CTIF: variants seen among roughly 807,000 people sequenced by gnomAD.
The protein encoded by CTIF is cap binding complex dependent translation initiation factor.
Under a neutral mutation model 66.0 loss-of-function variants are expected in CTIF, and 21 were observed. That is an observed-to-expected ratio of 0.32 (90% CI 0.23 to 0.46). The LOEUF (loss-of-function observed/expected upper bound fraction) is 0.46, where lower values mean the gene tolerates loss of function less well. Among genes scored for constraint, CTIF ranks in the 20% least tolerant of loss-of-function variants. The pLI, the probability that CTIF is intolerant of heterozygous loss-of-function variation, is 1.00. For missense variants in CTIF, 739 were observed against 812.7 expected (o/e 0.91, Z 1.10); for synonymous variants, 345 against 326.4 (o/e 1.06, Z -0.62).
chr18:48,670,485 A>ACC lies in CTIF; in HGVS notation c.432-175_432-174dup, dbSNP rs3830253. The ACC allele has an allele frequency of 1.1e-3, 553 of 518,498 alleles. 1 individual carries two copies. The highest frequency in any genetic ancestry group is 1.6e-3 in the Non-Finnish European group (451 of 285,366). 32.1% of individuals were successfully genotyped at this position (518,498 alleles called of 1,614,324 possible). ...AGGTTGGCTGTTGCATTACGGGAGG[A>ACC]CCCCCCCCCCACACACACACAGCTT... On this transcript the variant is annotated intron_variant, in intron 5 of 11. Transcript: ENST00000256413.
At chr18:48,585,584 C>T (rs568070297) in intron 1 of CTIF, among the ~76,000 whole-genome samples, 6 of 152,324 alleles carry the variant, frequency 3.9e-5, no homozygotes, top group African/African-American at 1.4e-4. Flanking sequence ...ACTGTTTCCC[C>T]TGGAGACTTG....
chr18:48,757,386 A>G (rs529248116), intron 7 of CTIF, among the ~76,000 whole-genome samples: 6 of 151,820 alleles, frequency 4.0e-5, no homozygotes, highest in African/African-American at 7.3e-5. Context: ...GAAAATGACA[A>G]TGTTCCAAAA....
intron 1 of CTIF, chr18:48,566,660 C>G (rs17828723): frequency 0.073 from 11,119 of 152,226 alleles, 484 homozygotes; most frequent in South Asian, 0.1. Context: ...GCTCTGGGTA[C>G]CTGTCATATT....
At chr18:48,757,418 G>A (rs966455857) in intron 7 of CTIF, among the ~76,000 whole-genome samples, 2 of 152,136 alleles carry the variant, frequency 1.3e-5, no homozygotes, top group Admixed American at 1.3e-4. Context: ...GTTTGAAAGG[G>A]ATATAACTTT....
chr18:48,745,843 A>C (rs180688874), intron 7 of CTIF, among the ~76,000 whole-genome samples: 30 of 152,242 alleles, frequency 2.0e-4, no homozygotes, highest in Admixed American at 2.0e-3. Flanking sequence ...AGCCTTGAGG[A>C]GTCCTCTCTG....
intron 10 of CTIF, among the ~76,000 whole-genome samples, chr18:48,821,889 AG>A (rs1193955075): frequency 6.6e-6 from 1 of 152,252 alleles, no homozygotes; most frequent in East Asian, 1.9e-4. Flanking sequence ...GATAAAGTAC[AG>A]TATTGTATCC....
At chr18:48,747,961 A>C (rs1907408135) in intron 7 of CTIF, among the ~76,000 whole-genome samples, 2 of 150,820 alleles carry the variant, frequency 1.3e-5, no homozygotes, top group South Asian at 4.2e-4. Flanking sequence ...ATTATTTAAC[A>C]AAAAAAAGGA....
chr18:48,785,317 GA>G (rs1386829568), intron 9 of CTIF, among the ~76,000 whole-genome samples: 1 of 152,190 alleles, frequency 6.6e-6, no homozygotes, highest in African/African-American at 2.4e-5. Flanking sequence ...TACAAAATTA[GA>G]AAAATAATTT....
At chr18:48,717,281 C>T (rs964724075) in intron 7 of CTIF, among the ~76,000 whole-genome samples, 1 of 151,922 alleles carries the variant, frequency 6.6e-6, no homozygotes, top group African/African-American at 2.4e-5. Flanking sequence ...GCCTATAATC[C>T]CAGTTACTCG....
At chr18:48,812,364 G>A (rs1467967816) in intron 9 of CTIF, among the ~76,000 whole-genome samples, 2 of 152,038 alleles carry the variant, frequency 1.3e-5, no homozygotes, top group Non-Finnish European at 2.9e-5. Flanking sequence ...TCTTTCTCTC[G>A]CTTTCACTCA....
chr18:48,732,284 G>T (rs899919767), intron 7 of CTIF, among the ~76,000 whole-genome samples: 8 of 152,214 alleles, frequency 5.3e-5, no homozygotes. Flanking sequence ...GGAGTAGCCA[G>T]TGATGCCTCA....
At chr18:48,688,037 C>T (rs1163873783) in intron 6 of CTIF, among the ~76,000 whole-genome samples, 2 of 152,238 alleles carry the variant, frequency 1.3e-5, no homozygotes, top group Non-Finnish European at 2.9e-5. Context: ...AGTTCCTGCT[C>T]ATTTCTGGAA....
At chr18:48,832,637 C>A (rs2068718128) in intron 10 of CTIF, among the ~76,000 whole-genome samples, 1 of 152,186 alleles carries the variant, frequency 6.6e-6, no homozygotes, top group Non-Finnish European at 1.5e-5. Flanking sequence ...ACAATTAGCT[C>A]ATTCTTGCAT....
At chr18:48,648,435 C>T (rs2091091555) in intron 3 of CTIF, among the ~76,000 whole-genome samples, 1 of 151,574 alleles carries the variant, frequency 6.6e-6, no homozygotes, top group African/African-American at 2.4e-5. Flanking sequence ...TCCCCCTTTC[C>T]CAGCTGTGTC....
intron 6 of CTIF, among the ~76,000 whole-genome samples, chr18:48,680,119 T>C (rs1377460985): frequency 6.6e-6 from 1 of 152,196 alleles, no homozygotes; most frequent in Non-Finnish European, 1.5e-5. Context: ...GCCCTCCTCC[T>C]GGAGACCAAG....
At chr18:48,681,928 G>GGC (rs2091751334) in intron 6 of CTIF, among the ~76,000 whole-genome samples, 2 of 152,276 alleles carry the variant, frequency 1.3e-5, no homozygotes, top group South Asian at 4.1e-4. Flanking sequence ...TAGGATTACA[G>GGC]GCGCGTGCCA....
At chr18:48,650,493 C>A (rs1253772254) in intron 3 of CTIF, among the ~76,000 whole-genome samples, 2 of 152,204 alleles carry the variant, frequency 1.3e-5, no homozygotes, top group African/African-American at 4.8e-5. Context: ...AAGACCAAAT[C>A]TATGTTTGAT....
chr18:48,650,744 A>G (rs2091140509), intron 3 of CTIF, among the ~76,000 whole-genome samples: 1 of 152,242 alleles, frequency 6.6e-6, no homozygotes. Flanking sequence ...GTTACCCACG[A>G]AAGAAAGCCC....
chr18:48,804,882 C>G (rs1220429655), intron 9 of CTIF, among the ~76,000 whole-genome samples: 3 of 152,160 alleles, frequency 2.0e-5, no homozygotes. Context: ...CCGTCCAGTC[C>G]CCAGCATCCA....
Sources: gnomAD v4.1 joint callset for allele counts (sites outside exome capture counted in the v4.1 genomes callset) on GRCh38, gnomAD v4.1.1 for gene constraint, MANE v1.5 for transcripts, NCBI Gene and HGNC (gene_info 2026-07-23, HGNC 2026-07-21) for gene names.